PRKCA: variants seen among roughly 807,000 people sequenced by gnomAD.
PRKCA encodes protein kinase C alpha type.
Under a neutral mutation model 87.0 loss-of-function variants are expected in PRKCA, and 27 were observed. That is an observed-to-expected ratio of 0.31 (90% CI 0.23 to 0.43). The LOEUF (loss-of-function observed/expected upper bound fraction) is 0.43, where lower values mean the gene tolerates loss of function less well. Among genes scored for constraint, PRKCA ranks in the 20% least tolerant of loss-of-function variants. The pLI is 1.00. For synonymous variants in PRKCA, 329 were observed against 311.1 expected (o/e 1.06, Z -0.61); for missense variants, 518 against 852.3 (o/e 0.61, Z 4.88).
chr17:66,747,751 C>G (rs1974327948), intron 13 of PRKCA, among the ~76,000 whole-genome samples: 1 of 152,242 alleles, frequency 6.6e-6, no homozygotes, highest in Non-Finnish European at 1.5e-5. Context: ...GAGTCATGAT[C>G]AGAGATGCAG....
At chr17:66,614,530 G>A (rs1403548082) in intron 3 of PRKCA, among the ~76,000 whole-genome samples, 1 of 152,152 alleles carries the variant, frequency 6.6e-6, no homozygotes, top group African/African-American at 2.4e-5. Flanking sequence ...CCATATCTGT[G>A]TTTATCTCAT....
intron 8 of PRKCA, among the ~76,000 whole-genome samples, chr17:66,693,444 T>G (rs535235250): frequency 6.6e-6 from 1 of 152,366 alleles, no homozygotes; most frequent in South Asian, 2.1e-4. Context: ...CCTGCTTTCT[T>G]TGGAGCTTAC....
chr17:66,310,721 A>G (rs1232891554), intron 2 of PRKCA, among the ~76,000 whole-genome samples: 1 of 152,198 alleles, frequency 6.6e-6, no homozygotes, highest in Non-Finnish European at 1.5e-5. Flanking sequence ...GAGGGATTCC[A>G]GAAAACAAGA....
At chr17:66,383,700 G>T (rs938934331) in intron 2 of PRKCA, among the ~76,000 whole-genome samples, 2 of 152,090 alleles carry the variant, frequency 1.3e-5, no homozygotes, top group African/African-American at 4.8e-5. Context: ...CAAACTCTAA[G>T]AAAATTGTCT....
intron 3 of PRKCA, among the ~76,000 whole-genome samples, chr17:66,532,297 TC>T (rs1188553199): frequency 1.5e-4 from 10 of 68,360 alleles, no homozygotes; most frequent in South Asian, 6.3e-4. Flanking sequence ...TCCTGCCCCC[TC>T]CCCCCCCACC....
chr17:66,807,800 C>T lies in PRKCA; in HGVS notation c.*3763C>T, dbSNP rs1976066182. ...GATGCAGACTTCCAGAGAGCCCCCCCAACGGACGTGCTGAGAAGGGAGAGG... is the reference window on the plus strand; with the variant it reads ...GATGCAGACTTCCAGAGAGCCCCCCTAACGGACGTGCTGAGAAGGGAGAGG... On this transcript the variant is annotated 3_prime_UTR_variant, in exon 17 of 17. Transcript: ENST00000413366. The surrounding 1 kb of genome is among the most constrained non-coding windows in gnomAD (Gnocchi z 4.3). 1 of 152,250 alleles carries T rather than the reference C, an allele frequency of 6.6e-6. No individual in the cohort carries two copies. Among genetic ancestry groups the T allele is most frequent in the Non-Finnish European group, 1.5e-5 (1 of 68,100 alleles). The allele number at this position is 152,250 out of a possible 1,614,324, so 9.4% of individuals were successfully genotyped here. A position where few individuals can be genotyped will look rare whatever the true frequency, so the allele number is the denominator to read the frequency against.
chr17:66,554,426 C>A, intron 3 of PRKCA: 1 of 445,208 alleles, frequency 2.2e-6, no homozygotes, highest in Non-Finnish European at 3.0e-6. Context: ...CACGCTATGA[C>A]ACGTTTCTTG....
chr17:66,804,071 C>T lies in PRKCA; in HGVS notation c.*34C>T, dbSNP rs781594377. The stretch of plus-strand genomic sequence containing the variant: ...AGCGAGAACAAACACCTCCCCAGCC[C>T]CCAGCCCTCCCCGCAGTGGGAAGTG... On this transcript the variant is annotated 3_prime_UTR_variant, in exon 17 of 17. Transcript: ENST00000413366. 8.2e-6 allele frequency: 13 copies of T among 1,583,864 alleles called. No homozygotes were observed. Among genetic ancestry groups the T allele is most frequent in the Non-Finnish European group, 1.1e-5 (13 of 1,158,000 alleles).
At chr17:66,577,889 A>G (rs1171948916) in intron 3 of PRKCA, among the ~76,000 whole-genome samples, 1 of 151,766 alleles carries the variant, frequency 6.6e-6, no homozygotes, top group Non-Finnish European at 1.5e-5. Context: ...ATGCTGCATA[A>G]GTCATCGTTT....
rs111472351 is a variant in PRKCA at position 66,719,513 on chromosome 17, G to T, written c.919-13175G>T. Among the ~76,000 whole-genome samples, 1,360 of 152,326 alleles carry T rather than the reference G, an allele frequency of 8.9e-3. 8 individuals are homozygous for T. Among genetic ancestry groups the T allele is most frequent in the African/African-American group, 0.031 (1,300 of 41,564 alleles). ...AGGCCAGCCGTGGTGGCTCACATCT[G>T]CAATCCCAGCACTTTGGCCGAGGTG... On this transcript the variant is annotated intron_variant, in intron 8 of 16. Coordinates refer to ENST00000413366, the MANE Select transcript of PRKCA (RefSeq NM_002737.3).
intron 13 of PRKCA, among the ~76,000 whole-genome samples, chr17:66,772,831 G>A (rs1182579685): frequency 2.0e-5 from 3 of 151,976 alleles, no homozygotes; most frequent in African/African-American, 7.3e-5. Flanking sequence ...ACAGCTGCCA[G>A]CATTTGCCAA....
At chr17:66,693,072 CAT>C (rs1264191166) in intron 8 of PRKCA, among the ~76,000 whole-genome samples, 1 of 152,226 alleles carries the variant, frequency 6.6e-6, no homozygotes, top group Non-Finnish European at 1.5e-5. Flanking sequence ...TCTGCCACTG[CAT>C]TAGTATTCAT....
At chr17:66,802,007 G>C (rs1020965901) in intron 16 of PRKCA, among the ~76,000 whole-genome samples, 1 of 152,160 alleles carries the variant, frequency 6.6e-6, no homozygotes, top group Non-Finnish European at 1.5e-5. Context: ...GATTGCTTGA[G>C]CCCAGGAGTT....
At chr17:66,709,554 C>T (rs1024005547) in intron 8 of PRKCA, among the ~76,000 whole-genome samples, 1 of 152,034 alleles carries the variant, frequency 6.6e-6, no homozygotes, top group Non-Finnish European at 1.5e-5. Context: ...AGTGATCCAC[C>T]CACCTCAGCC....
chr17:66,592,343 CAA>C (rs71160581), intron 3 of PRKCA, among the ~76,000 whole-genome samples: 9 of 82,344 alleles, frequency 1.1e-4, no homozygotes, highest in South Asian at 8.9e-4. Flanking sequence ...TGATCCGTCT[CAA>C]AAAAAAAAAA....
In PRKCA at chr17:66,779,551, AT is replaced by A. The variant is rs1357125284; in HGVS notation, c.1605+5485del. ...TTCGGCCTGAATTGTCCAGGGGAGC[AT>A]GCCTAGCCCCCAGCCCAGGTTTCCG... On this transcript the variant is annotated intron_variant, in intron 14 of 16. Transcript: ENST00000413366. Among the ~76,000 whole-genome samples the A allele has an allele frequency of 3.3e-5, 5 of 152,238 alleles. No individual in the cohort carries two copies. The South Asian group carries it at 1.0e-3, about 32-fold the overall frequency.
At chr17:66,608,399 G>A (rs1970268791) in intron 3 of PRKCA, among the ~76,000 whole-genome samples, 1 of 152,152 alleles carries the variant, frequency 6.6e-6, no homozygotes, top group Non-Finnish European at 1.5e-5. Context: ...CTTTCTTGAA[G>A]GTCCAGATCC....
At chr17:66,430,506 A>G (rs1361080854) in intron 2 of PRKCA, among the ~76,000 whole-genome samples, 2 of 151,706 alleles carry the variant, frequency 1.3e-5, no homozygotes, top group Admixed American at 6.6e-5. Flanking sequence ...TTCCTCCCCT[A>G]TTCTTAAGGG....
At chr17:66,632,043 T>G (rs1971029013) in intron 3 of PRKCA, among the ~76,000 whole-genome samples, 2 of 152,150 alleles carry the variant, frequency 1.3e-5, no homozygotes, top group African/African-American at 2.4e-5. Context: ...TTCTGCAGAT[T>G]GGTAGAGAAA....
Sources: gnomAD v4.1 joint callset for allele counts (sites outside exome capture counted in the v4.1 genomes callset) on GRCh38, gnomAD v4.1.1 for gene constraint, Gnocchi (gnomAD v3.1) non-coding constraint, MANE v1.5 for transcripts, NCBI Gene and HGNC (gene_info 2026-07-23, HGNC 2026-07-21) for gene names.